Variants in SLC25A12 observed in about 807,000 individuals in gnomAD.
SLC25A12 encodes the protein electrogenic aspartate/glutamate antiporter SLC25A12, mitochondrial.
A neutral mutation model predicts 83.3 loss-of-function variants in SLC25A12; 32 were observed. The observed-to-expected ratio is 0.38, with a 90% confidence interval of 0.29 to 0.52. The LOEUF (loss-of-function observed/expected upper bound fraction) is 0.52. Among genes scored for constraint, SLC25A12 ranks in the 20% least tolerant of loss-of-function variants. The pLI, the probability that SLC25A12 is intolerant of heterozygous loss-of-function variation, is 0.84. For missense variants in SLC25A12, 611 were observed against 835.6 expected (o/e 0.73, Z 3.31); for synonymous variants, 267 against 291.1 (o/e 0.92, Z 0.84).
intron 8 of SLC25A12, among the ~76,000 whole-genome samples, chr2:171,830,705 G>T (rs1213803562): frequency 6.6e-6 from 1 of 152,066 alleles, no homozygotes; most frequent in Non-Finnish European, 1.5e-5. Context: ...AGTAGAGACG[G>T]GGTTTCACTA....
At chr2:171,877,672 G>GAA (rs199971332) in intron 2 of SLC25A12, among the ~76,000 whole-genome samples, 4 of 93,206 alleles carry the variant, frequency 4.3e-5, no homozygotes, top group Non-Finnish European at 6.4e-5. Context: ...TCCATCCCAG[G>GAA]AAAAAAAAAA....
At position 171,800,758 on chromosome 2, in the gene SLC25A12, G is replaced by A. The variant is rs182665470; in HGVS notation, c.1306-6991C>T. Among the ~76,000 whole-genome samples the A allele has an allele frequency of 9.9e-4, 150 of 152,272 alleles. 2 individuals are homozygous for A. Among genetic ancestry groups the A allele is most frequent in the Admixed American group, 1.4e-3 (22 of 15,296 alleles). ...ACAAATTGTGGTAAATTCGTACGAT[G>A]AAATACTACTCAGCAAAATTTAAAA... On this transcript the variant is annotated intron_variant, in intron 13 of 17. Coordinates refer to ENST00000422440, the MANE Select transcript of SLC25A12 (RefSeq NM_003705.5).
intron 3 of SLC25A12, 84 bp downstream of exon 3, chr2:171,868,597 A>G: frequency 7.3e-7 from 1 of 1,366,624 alleles, no homozygotes; most frequent in Non-Finnish European, 1.0e-6. Context: ...TACAGGCATG[A>G]GCCACTGTGC....
intron 5 of SLC25A12, among the ~76,000 whole-genome samples, chr2:171,844,080 C>G (rs1684741588): frequency 6.6e-6 from 1 of 152,064 alleles, no homozygotes; most frequent in Non-Finnish European, 1.5e-5. Context: ...CCACTGCGCC[C>G]AGTCGTGAAA....
chr2:171,801,756 A>AT (rs1683711205), intron 13 of SLC25A12, among the ~76,000 whole-genome samples: 1 of 152,186 alleles, frequency 6.6e-6, no homozygotes, highest in African/African-American at 2.4e-5. Flanking sequence ...ATAGGCTAAC[A>AT]TAAGTGTTCT....
intron 9 of SLC25A12, among the ~76,000 whole-genome samples, chr2:171,819,082 T>C (rs1473112549): frequency 7.0e-6 from 1 of 142,822 alleles, no homozygotes; most frequent in Non-Finnish European, 1.5e-5. Context: ...GAGAAGGAGA[T>C]GAAGGAAAAA....
At chr2:171,853,194 C>T (rs1468001912) in intron 4 of SLC25A12, among the ~76,000 whole-genome samples, 1 of 152,038 alleles carries the variant, frequency 6.6e-6, no homozygotes, top group African/African-American at 2.4e-5. Context: ...TTTCTTATTC[C>T]ATAATAATAT....
intron 3 of SLC25A12, among the ~76,000 whole-genome samples, chr2:171,864,792 A>G (rs1222529546): frequency 6.6e-6 from 1 of 151,980 alleles, no homozygotes; most frequent in Non-Finnish European, 1.5e-5. Flanking sequence ...GGTTCCCTCT[A>G]TTCCTCTCAT....
chr2:171,834,987 C>G, intron 6 of SLC25A12, 122 bp from the exon 7 acceptor site: 1 of 1,008,952 alleles, frequency 9.9e-7, no homozygotes, highest in South Asian at 1.4e-5. Context: ...TGTTAACAAC[C>G]AGTACATAAA....
In SLC25A12 at chr2:171,813,469, T is replaced by C. The variant is rs1481295075; in HGVS notation, c.1041A>G (p.Ile347Met). 1 of 1,614,100 alleles carries C rather than the reference T, an allele frequency of 6.2e-7. No homozygotes were observed. The highest frequency in any genetic ancestry group is 1.1e-5 in the South Asian group (1 of 91,084). ...TTTGCATTCGGGTCTTCACCAGATC[T>C]ATAGGATACACTGCAGTGGCTCCCA... ...GAVGATAVYP[I>M]DLVKTRMQNQ... Residue 347 changes from isoleucine to methionine, a missense_variant, in exon 11 of 18, where the codon ATA (isoleucine) becomes ATG (methionine). Coordinates refer to ENST00000422440, the MANE Select transcript of SLC25A12 (RefSeq NM_003705.5).
intron 9 of SLC25A12, among the ~76,000 whole-genome samples, chr2:171,815,715 A>G (rs936603857): frequency 1.7e-4 from 26 of 152,128 alleles, no homozygotes; most frequent in African/African-American, 6.3e-4. Context: ...AATCTATAAT[A>G]ATAAAAAAGA....
At chr2:171,837,412 CTT>C in intron 5 of SLC25A12, 145 bp from the exon 6 acceptor site, 1 of 820,866 alleles carries the variant, frequency 1.2e-6, no homozygotes, top group Admixed American at 2.4e-5. Context: ...TGCAACAAAA[CTT>C]TTAATTTCTT....
intron 4 of SLC25A12, among the ~76,000 whole-genome samples, chr2:171,850,774 A>C (rs779080805): frequency 6.6e-6 from 1 of 152,148 alleles, no homozygotes; most frequent in East Asian, 1.9e-4. Context: ...ATAGAACTTC[A>C]TATTATTGCA....
intron 8 of SLC25A12, among the ~76,000 whole-genome samples, chr2:171,831,573 C>T (rs758973781): frequency 1.3e-4 from 20 of 152,076 alleles, no homozygotes; most frequent in African/African-American, 2.9e-4. Flanking sequence ...AATCTAAGCA[C>T]GTCATAGATG....
Position 171,793,701 on chromosome 2 carries a change from C to T in SLC25A12, c.1372G>A (p.Gly458Arg). The change falls in exon 14 of 18, where the codon GGA becomes AGA. Residue 458 changes from glycine to arginine, a missense_variant. Physicochemically the swap from Gly to Arg is moderately radical, Grantham distance 125. Transcript: ENST00000422440. ...EIVKIRLQVA[G>R]EITTGPRVSA... ...ACTCTGGGTCCCGTGGTGATCTCTCCAGCTACTTGCAGACGAATCTTCACT... is the reference window on the plus strand; with the variant it reads ...ACTCTGGGTCCCGTGGTGATCTCTCTAGCTACTTGCAGACGAATCTTCACT... The T allele has an allele frequency of 6.2e-7, 1 of 1,614,138 alleles. No individual in the cohort carries two copies. The highest frequency in any genetic ancestry group is 8.5e-7 in the Non-Finnish European group (1 of 1,180,018).
At chr2:171,837,351 C>T in intron 5 of SLC25A12, 84 bp from the exon 6 acceptor site, 1 of 1,401,572 alleles carries the variant, frequency 7.1e-7, no homozygotes. Flanking sequence ...GGACAGATAT[C>T]CTTCCCACAC....
chr2:171,840,824 A>G (rs1684658587), intron 5 of SLC25A12, among the ~76,000 whole-genome samples: 1 of 152,182 alleles, frequency 6.6e-6, no homozygotes, highest in Non-Finnish European at 1.5e-5. Context: ...GAATAAAAAT[A>G]AACTCACACC....
chr2:171,885,608 G>T (rs1685801600), intron 2 of SLC25A12, among the ~76,000 whole-genome samples: 1 of 151,936 alleles, frequency 6.6e-6, no homozygotes, highest in Non-Finnish European at 1.5e-5. Flanking sequence ...GGAGGCGGAG[G>T]TTGCAGTGAG....
At chr2:171,855,240 T>C (rs1488458864) in intron 4 of SLC25A12, among the ~76,000 whole-genome samples, 1 of 152,248 alleles carries the variant, frequency 6.6e-6, no homozygotes, top group Non-Finnish European at 1.5e-5. Flanking sequence ...TGTATACACC[T>C]GTGAAACATC....
Sources: gnomAD v4.1 joint callset for allele counts (sites outside exome capture counted in the v4.1 genomes callset) on GRCh38, gnomAD v4.1.1 for gene constraint, MANE v1.5 for transcripts, NCBI Gene and HGNC (gene_info 2026-07-23, HGNC 2026-07-21) for gene names.